Variants in ZNF521 observed in about 807,000 individuals in gnomAD.
ZNF521 encodes zinc finger protein 521, also known as LYST-interacting protein 3.
Under a neutral mutation model 105.5 loss-of-function variants are expected in ZNF521, and 14 were observed. That is an observed-to-expected ratio of 0.13 (90% CI 0.09 to 0.21). The LOEUF is 0.21. Among genes scored for constraint, ZNF521 ranks in the 10% least tolerant of loss-of-function variants. The pLI is 1.00. For missense variants in ZNF521, 1,233 were observed against 1,629.7 expected (o/e 0.76, Z 4.19); for synonymous variants, 635 against 606.0 (o/e 1.05, Z -0.70).
At chr18:25,152,911 C>T (rs115646240) in intron 5 of ZNF521, among the ~76,000 whole-genome samples, 1,955 of 152,260 alleles carry the variant, frequency 0.013, 40 homozygotes, top group African/African-American at 0.043. Context: ...CTACAAGAGT[C>T]TTGGGGATGG....
chr18:25,268,841 A>T (rs551686285), intron 3 of ZNF521, among the ~76,000 whole-genome samples: 1 of 152,368 alleles, frequency 6.6e-6, no homozygotes, highest in South Asian at 2.1e-4. Flanking sequence ...AACTGTAAAG[A>T]CCATCAACAC....
At chr18:25,267,352 T>G (rs546087350) in intron 3 of ZNF521, among the ~76,000 whole-genome samples, 6 of 152,276 alleles carry the variant, frequency 3.9e-5, no homozygotes, top group Non-Finnish European at 7.4e-5. Context: ...GGATGCAGCT[T>G]TAGCAGACTT....
intron 5 of ZNF521, among the ~76,000 whole-genome samples, chr18:25,179,800 T>C (rs1396226246): frequency 6.6e-6 from 1 of 152,156 alleles, no homozygotes; most frequent in Admixed American, 6.5e-5. Context: ...CAGCAGTGAG[T>C]GTGTGGTGGA....
intron 5 of ZNF521, among the ~76,000 whole-genome samples, chr18:25,115,498 T>C (rs530990997): frequency 7.9e-5 from 12 of 152,318 alleles, no homozygotes; most frequent in Non-Finnish European, 1.8e-4. Flanking sequence ...CTGGTTCTTA[T>C]ACCTATGGCA....
chr18:25,066,753 T>C (rs188946074), intron 7 of ZNF521, among the ~76,000 whole-genome samples: 7 of 152,266 alleles, frequency 4.6e-5, no homozygotes, highest in Admixed American at 3.9e-4. Context: ...AGGACACAAA[T>C]GCATATGAGC....
At chr18:25,171,172 G>A (rs2035442742) in intron 5 of ZNF521, among the ~76,000 whole-genome samples, 1 of 152,084 alleles carries the variant, frequency 6.6e-6, no homozygotes, top group Non-Finnish European at 1.5e-5. Flanking sequence ...CAAAAACTAA[G>A]TGGTGAGTTA....
At chr18:25,222,898 T>A (rs1033738698) in intron 4 of ZNF521, among the ~76,000 whole-genome samples, 1 of 152,204 alleles carries the variant, frequency 6.6e-6, no homozygotes, top group African/African-American at 2.4e-5. Context: ...TCATGATACC[T>A]GCAACTTTCT....
intron 5 of ZNF521, among the ~76,000 whole-genome samples, chr18:25,127,461 G>A (rs991257059): frequency 1.3e-5 from 2 of 151,962 alleles, no homozygotes; most frequent in African/African-American, 4.8e-5. Context: ...ACTTTAGGAT[G>A]TTAGGTACTA....
chr18:25,333,314 C>CTCTA (rs572058933), intron 2 of ZNF521, among the ~76,000 whole-genome samples: 18,651 of 145,362 alleles, frequency 0.13, 1,356 homozygotes, highest in Non-Finnish European at 0.17. Flanking sequence ...CTCTCTCTCT[C>CTCTA]TATATATATA....
chr18:25,346,872 G>A (rs1914485236), intron 2 of ZNF521, among the ~76,000 whole-genome samples: 2 of 151,854 alleles, frequency 1.3e-5, no homozygotes, highest in African/African-American at 2.4e-5. Flanking sequence ...TGTTTAACTT[G>A]GCCATCTAAA....
intron 2 of ZNF521, among the ~76,000 whole-genome samples, chr18:25,326,088 G>T (rs965988247): frequency 6.6e-6 from 1 of 152,128 alleles, no homozygotes; most frequent in African/African-American, 2.4e-5. Context: ...ATTCTATTCT[G>T]TCCATGTAAA....
intron 5 of ZNF521, among the ~76,000 whole-genome samples, chr18:25,194,451 G>C (rs1399157138): frequency 1.3e-5 from 2 of 151,592 alleles, no homozygotes; most frequent in African/African-American, 4.8e-5. Flanking sequence ...AGTAATCCAT[G>C]AGGAATTAAG....
rs551665269 is a variant in ZNF521, at chr18:25,283,930, C to T, written c.220+38078G>A. Among the ~76,000 whole-genome samples, 717 of 142,622 alleles carry T rather than the reference C, an allele frequency of 5.0e-3. 11 individuals carry two copies. The highest frequency in any genetic ancestry group is 0.017 in the African/African-American group (669 of 40,190). 93.6% of individuals were successfully genotyped at this position (142,622 alleles called of 152,430 possible). A position where few individuals can be genotyped will look rare whatever the true frequency, so the allele number is the denominator to read the frequency against. ...AAAACAAGCCAATACTTTCCCCCCC[C>T]CCCAAAAAAATTCATGAGCAGCAAC... On this transcript the variant is annotated intron_variant, in intron 3 of 7. Transcript: ENST00000361524.
At chr18:25,350,864 C>G in intron 2 of ZNF521, 43 bp downstream of exon 2, 1 of 1,543,984 alleles carries the variant, frequency 6.5e-7, no homozygotes, top group South Asian at 1.2e-5. Context: ...CACAGTGACA[C>G]TCGCGGATGG....
At chr18:25,065,961 TAA>T (rs2033048457) in intron 7 of ZNF521, among the ~76,000 whole-genome samples, 1 of 152,188 alleles carries the variant, frequency 6.6e-6, no homozygotes, top group African/African-American at 2.4e-5. Context: ...GTTTTGCATA[TAA>T]GAGAGAGGAA....
chr18:25,183,718 A>G (rs1161908297), intron 5 of ZNF521, among the ~76,000 whole-genome samples: 1 of 152,178 alleles, frequency 6.6e-6, no homozygotes, highest in African/African-American at 2.4e-5. Flanking sequence ...GCCTTCTTCA[A>G]CTTAATGCTG....
chr18:25,193,918 C>A (rs1404249408), intron 5 of ZNF521, among the ~76,000 whole-genome samples: 2 of 151,750 alleles, frequency 1.3e-5, no homozygotes, highest in Non-Finnish European at 2.9e-5. Context: ...CAACAACCCC[C>A]CAGAAGACCT....
intron 7 of ZNF521, among the ~76,000 whole-genome samples, chr18:25,063,898 C>T (rs1465284914): frequency 1.3e-5 from 2 of 152,242 alleles, no homozygotes; most frequent in Non-Finnish European, 2.9e-5. Flanking sequence ...CCATCTAACA[C>T]TGATCTCTCC....
intron 3 of ZNF521, among the ~76,000 whole-genome samples, chr18:25,228,480 C>T (rs530640721): frequency 6.6e-6 from 1 of 152,150 alleles, no homozygotes; most frequent in Non-Finnish European, 1.5e-5. Flanking sequence ...TTCACAAGGG[C>T]CAGATTTTAA....
Sources: allele counts gnomAD v4.1 joint callset (sites outside exome capture counted in the v4.1 genomes callset), GRCh38; gene constraint gnomAD v4.1.1; transcripts MANE v1.5; gene names NCBI Gene and HGNC (gene_info 2026-07-23, HGNC 2026-07-21).